The following DST variants were observed in gnomAD, a reference collection of about 807,000 sequenced individuals.
The protein encoded by DST is bullous pemphigoid antigen.
A neutral mutation model predicts 875.2 loss-of-function variants in DST; 253 were observed. That is an observed-to-expected ratio of 0.29 (90% CI 0.26 to 0.32). The LOEUF (loss-of-function observed/expected upper bound fraction) is 0.32. DST is among the 10% of genes least tolerant of loss of function. The pLI is 1.00. For synonymous variants in DST, 3,124 were observed against 3,197.1 expected (o/e 0.98, Z 0.77); for missense variants, 8,287 against 9,111.6 (o/e 0.91, Z 3.68).
chr6:56,921,429 C>A (rs1804162343), intron 2 of DST, among the ~76,000 whole-genome samples: 1 of 152,252 alleles, frequency 6.6e-6, no homozygotes, highest in Admixed American at 6.5e-5. Flanking sequence ...AATAACTTTG[C>A]ATAATCTATG....
At chr6:56,631,807 T>C (rs1005585145) in intron 29 of DST, 76 bp downstream of exon 29, 1 of 1,390,298 alleles carries the variant, frequency 7.2e-7, no homozygotes, top group Non-Finnish European at 1.0e-6. Context: ...AAACTGAACA[T>C]TAAGAAGTCA....
intron 3 of DST, among the ~76,000 whole-genome samples, chr6:56,897,122 T>G (rs1025833316): frequency 2.6e-5 from 4 of 152,202 alleles, no homozygotes; most frequent in Non-Finnish European, 5.9e-5. Context: ...CCTTAATCTA[T>G]CTTGAGTTGA....
chr6:56,470,404 C>T, intron 95 of DST, 122 bp from the exon 96 acceptor site: 1 of 754,986 alleles, frequency 1.3e-6, no homozygotes, highest in Middle Eastern at 4.1e-4. Context: ...TATTAAAATC[C>T]TTTTTTAAAA....
intron 4 of DST, among the ~76,000 whole-genome samples, chr6:56,762,560 T>C (rs1019166116): frequency 6.6e-6 from 1 of 152,218 alleles, no homozygotes; most frequent in South Asian, 2.1e-4. Context: ...CTTAACTATA[T>C]ACTTCTTTAA....
intron 67 of DST, among the ~76,000 whole-genome samples, chr6:56,528,359 G>A (rs1011559573): frequency 6.6e-6 from 1 of 152,156 alleles, no homozygotes; most frequent in Non-Finnish European, 1.5e-5. Flanking sequence ...ACTAAAACTA[G>A]TTTCCCTGAG....
rs542757945 is a variant in DST, at chr6:56,510,858, A to G, written c.18780+339T>C. Among the ~76,000 whole-genome samples the G allele has an allele frequency of 8.5e-5, 13 of 152,206 alleles. No individual in the cohort carries two copies. The East Asian group carries it at 1.9e-3, about 23-fold the overall frequency. ...CTCATTGCCTTCTTGAGAGTACTTT[A>G]TTAATAATTATAACACTTTCCTTTA... is the stretch of plus-strand genomic sequence containing the variant. On this transcript the variant is annotated intron_variant, in intron 73 of 103. Coordinates refer to ENST00000680361, the MANE Select transcript of DST (RefSeq NM_001374736.1).
chr6:56,478,763 G>C (rs1337339391), intron 90 of DST, among the ~76,000 whole-genome samples: 1 of 152,178 alleles, frequency 6.6e-6, no homozygotes. Context: ...TGATGCCCAT[G>C]CTACTCACAC....
chr6:56,477,167 T>G (rs1562244214), intron 91 of DST, among the ~76,000 whole-genome samples, 178 bp downstream of exon 91: 2 of 152,308 alleles, frequency 1.3e-5, no homozygotes, highest in East Asian at 3.9e-4. Flanking sequence ...TTTGAGCTTT[T>G]AAAGAAAAGT....
chr6:56,555,393 G>T lies in DST; in HGVS notation c.15088C>A (p.Gln5030Lys), dbSNP rs2097397854. The T allele has an allele frequency of 6.2e-7, 1 of 1,608,090 alleles. No homozygotes were observed. The highest frequency in any genetic ancestry group is 8.5e-7 in the Non-Finnish European group (1 of 1,176,496). ...AATGATTTTAAGATGCCTTCTAGTT[G>T]CCTACTAAGTTCTGCTTTCAAGTAC... Reference protein sequence around the residue: ...EEYLKAELSRQLEGILKSFKD... With the variant: ...EEYLKAELSRKLEGILKSFKD... The change falls in exon 60 of 104, where the codon CAA becomes AAA. Residue 5030 changes from glutamine to lysine, a missense_variant. This residue lies in a region of DST where 1,513 missense variants were observed against 1,677.8 expected (regional missense o/e 0.90). Transcript: ENST00000680361.
At chr6:56,778,405 T>G (rs1010117393) in intron 4 of DST, among the ~76,000 whole-genome samples, 48 of 151,664 alleles carry the variant, frequency 3.2e-4, no homozygotes, top group African/African-American at 1.2e-3. Context: ...AATTATACTT[T>G]AAGTTTTAGG....
chr6:56,490,532 A>G (rs2095701914), intron 85 of DST, among the ~76,000 whole-genome samples: 1 of 152,194 alleles, frequency 6.6e-6, no homozygotes, highest in Non-Finnish European at 1.5e-5. Context: ...ACAGACTCAC[A>G]AAACTGTAAG....
chr6:56,610,703 T>C, intron 38 of DST, 141 bp from the exon 39 acceptor site: 1 of 613,308 alleles, frequency 1.6e-6, no homozygotes, highest in South Asian at 2.7e-5. Context: ...AGTATGACTG[T>C]ATATGAAAAT....
chr6:56,606,271 T>C lies in DST; in HGVS notation c.8357A>G (p.Asp2786Gly). The C allele has an allele frequency of 1.3e-6, 2 of 1,580,248 alleles. No individual in the cohort carries two copies. The highest frequency in any genetic ancestry group is 1.7e-6 in the Non-Finnish European group (2 of 1,161,452). Residue 2786 changes from aspartate to glycine, a missense_variant, in exon 40 of 104, where the codon GAT becomes GGT. By Grantham distance (94) the Asp-to-Gly change is moderately conservative. This residue lies in a region of DST where 3,138 missense variants were observed against 3,116.6 expected (regional missense o/e 1.01). Transcript: ENST00000680361. Reference protein sequence around the residue: ...QEFHSDTDHLDSMQSEESYGD... With the variant: ...QEFHSDTDHLGSMQSEESYGD... ...ATAACTTTCTTCACTTTGCATAGAATCTAAATGATCAGTATCGGAGTGAAA... is the reference window on the plus strand; with the variant it reads ...ATAACTTTCTTCACTTTGCATAGAACCTAAATGATCAGTATCGGAGTGAAA...
intron 3 of DST, among the ~76,000 whole-genome samples, chr6:56,887,882 TG>T (rs1397557328): frequency 1.3e-5 from 2 of 152,166 alleles, no homozygotes; most frequent in African/African-American, 4.8e-5. Flanking sequence ...TGCACATTCT[TG>T]TGCCCCTGTG....
intron 43 of DST, 108 bp from the exon 44 acceptor site, chr6:56,601,784 G>A: frequency 2.9e-6 from 2 of 681,436 alleles, no homozygotes; most frequent in East Asian, 2.9e-5. Flanking sequence ...TCAGGGAATG[G>A]AAGTTTTATG....
At chr6:56,471,993 A>G in intron 94 of DST, 66 bp downstream of exon 94, 1 of 1,524,332 alleles carries the variant, frequency 6.6e-7, no homozygotes, top group Non-Finnish European at 9.1e-7. Flanking sequence ...GATTTTGGCA[A>G]TGGCAATGTG....
Position 56,470,285 on chromosome 6 carries a change from A to G in DST, c.22322-3T>C, listed in dbSNP as rs769594375. 3 of 1,589,656 alleles carry G rather than the reference A, an allele frequency of 1.9e-6. No individual in the cohort carries two copies. In the Admixed American group the frequency reaches 5.3e-5, roughly 28 times the overall value. On this transcript the variant is annotated splice_region_variant and splice_polypyrimidine_tract_variant and intron_variant, in intron 95 of 103. Coordinates refer to ENST00000680361, the MANE Select transcript of DST (RefSeq NM_001374736.1). ...CTCCAAGCGACTGGTTGGAAACTCT[A>G]AAATTTTGAAAACAATGGTAAGTAG...
intron 88 of DST, 71 bp from the exon 89 acceptor site, chr6:56,482,948 T>C (rs1335027847): frequency 2.5e-6 from 3 of 1,202,410 alleles, no homozygotes; most frequent in South Asian, 1.9e-5. Flanking sequence ...CTGTTTGAGA[T>C]ATATATGTGC....
chr6:56,577,219 T>C (rs533597967), intron 50 of DST, among the ~76,000 whole-genome samples: 5 of 152,282 alleles, frequency 3.3e-5, no homozygotes, highest in Admixed American at 2.6e-4. Context: ...AGTGAAACTA[T>C]GTACACTTAA....
Sources: gnomAD v4.1 joint callset for allele counts (sites outside exome capture counted in the v4.1 genomes callset) on GRCh38, gnomAD v4.1.1 for gene constraint, gnomAD v4.1.1 regional missense constraint, MANE v1.5 for transcripts, NCBI Gene and HGNC (gene_info 2026-07-23, HGNC 2026-07-21) for gene names.